HMCN1: variants seen among roughly 807,000 people sequenced by gnomAD.
The protein encoded by HMCN1 is hemicentin-1.
A neutral mutation model predicts 625.9 loss-of-function variants in HMCN1; 321 were observed. The observed-to-expected ratio is 0.51, with a 90% CI of 0.47 to 0.56. HMCN1 has a LOEUF of 0.56. Ranked by LOEUF, HMCN1 falls within the 20% of genes least tolerant of loss-of-function variation. HMCN1 has a pLI of 0.00. For synonymous variants in HMCN1, 2,425 were observed against 2,417.6 expected (o/e 1.00, Z -0.09); for missense variants, 6,588 against 6,887.3 (o/e 0.96, Z 1.54).
At chr1:185,976,933 T>C (rs1232020183) in intron 15 of HMCN1, among the ~76,000 whole-genome samples, 1 of 152,108 alleles carries the variant, frequency 6.6e-6, no homozygotes, top group African/African-American at 2.4e-5. Context: ...GCCTGGTGTC[T>C]CATCACCCAT....
Position 186,012,401 on chromosome 1 carries a change from A to AT in HMCN1, c.4631-2748dup, listed in dbSNP as rs922432767. ...GCTAATCCTTCAGGTTTTTTTTGGT[A>AT]TTTTTTTTTTGTACTTTCATTGGTT... On this transcript the variant is annotated intron_variant, in intron 30 of 106. Transcript: ENST00000271588. 2.8e-3 allele frequency among the ~76,000 whole-genome samples: 415 copies of AT among 147,944 alleles called. 4 individuals are homozygous for AT. The highest frequency in any genetic ancestry group is 9.0e-3 in the African/African-American group (366 of 40,482).
intron 1 of HMCN1, among the ~76,000 whole-genome samples, chr1:185,782,440 C>T (rs1657197291): frequency 6.6e-6 from 1 of 152,086 alleles, no homozygotes; most frequent in Non-Finnish European, 1.5e-5. Context: ...TCTTCCTAGC[C>T]TTGATGGTCT....
chr1:186,100,134 G>A (rs1660319480), intron 68 of HMCN1, among the ~76,000 whole-genome samples: 2 of 152,016 alleles, frequency 1.3e-5, no homozygotes, highest in African/African-American at 2.4e-5. Flanking sequence ...TGAAGAAAAT[G>A]AAGGAGAAAA....
intron 57 of HMCN1, among the ~76,000 whole-genome samples, chr1:186,083,543 A>G (rs754914770): frequency 6.6e-6 from 1 of 151,290 alleles, no homozygotes; most frequent in Non-Finnish European, 1.5e-5. Context: ...ACTGCAAAAG[A>G]GTAGTTTTAT....
chr1:186,016,315 C>G lies in HMCN1; in HGVS notation c.5191+76C>G, dbSNP rs369045058. On this transcript the variant is annotated intron_variant, in intron 32 of 106. Coordinates refer to ENST00000271588, the MANE Select transcript of HMCN1 (RefSeq NM_031935.3). ...TTAGTTTGTTAAATACTTTTTTGTT[C>G]ATGCAATAATAAAACAATCTAAAAG... 3.4e-5 allele frequency: 47 copies of G among 1,372,998 alleles called. No individual in the cohort carries two copies. In the African/African-American group the frequency reaches 6.3e-4, roughly 18 times the overall value. 85.1% of individuals were successfully genotyped at this position (1,372,998 alleles called of 1,614,324 possible).
At chr1:186,168,645 G>A (rs554959610) in intron 100 of HMCN1, among the ~76,000 whole-genome samples, 2 of 152,210 alleles carry the variant, frequency 1.3e-5, no homozygotes, top group South Asian at 2.1e-4. Flanking sequence ...TTGGAATATA[G>A]CAAGACAGAA....
At chr1:186,089,496 A>T (rs1659713600) in intron 63 of HMCN1, among the ~76,000 whole-genome samples, 1 of 152,172 alleles carries the variant, frequency 6.6e-6, no homozygotes, top group African/African-American at 2.4e-5. Flanking sequence ...AGAAGAATTA[A>T]GTTCACAGGT....
At chr1:186,003,530 A>G (rs1055863595) in intron 28 of HMCN1, among the ~76,000 whole-genome samples, 188 bp from the exon 29 acceptor site, 1 of 152,158 alleles carries the variant, frequency 6.6e-6, no homozygotes, top group African/African-American at 2.4e-5. Context: ...TTTTATAAAT[A>G]TGTTTCTACA....
In HMCN1 at chr1:186,137,913, G is replaced by C; in HGVS notation, c.13865G>C (p.Gly4622Ala). 1 of 1,614,060 alleles carries C rather than the reference G, an allele frequency of 6.2e-7. No homozygotes were observed. The highest frequency in any genetic ancestry group is 8.5e-7 in the Non-Finnish European group (1 of 1,179,964). Residue 4622 changes from glycine (G) to alanine (A), a missense_variant, in exon 89 of 107, where the codon GGG becomes GCG. By Grantham distance (60) the Gly-to-Ala change is moderately conservative. This residue lies in a region of HMCN1 where 1,954 missense variants were observed against 2,013.1 expected (regional missense o/e 0.97). Transcript: ENST00000271588. ...AATAATCCATCAGTTCAGCATGGTG[G>C]GCGGCCATGTGAAGGGAATGCTGTG... ...TCNNPSVQHGGRPCEGNAVEI... is the reference protein window; with the variant it reads ...TCNNPSVQHGARPCEGNAVEI...
Position 185,977,881 on chromosome 1 carries a change from A to G in HMCN1, c.2466A>G (p.Pro822=). 6.2e-7 allele frequency: 1 copy of G among 1,613,274 alleles called. No individual in the cohort carries two copies. The highest frequency in any genetic ancestry group is 8.5e-7 in the Non-Finnish European group (1 of 1,179,392). The part of the protein sequence containing the change: ...LPCYVQGYPE[P]TIKWRRLDNM... ...GTTATGTTCAGGGTTATCCAGAACC[A>G]ACAATCAAATGGCGAAGATTAGACA... The change falls in exon 16 of 107, where the codon CCA becomes CCG. Residue 822 remains proline (P), a synonymous_variant. Coordinates refer to ENST00000271588, the MANE Select transcript of HMCN1 (RefSeq NM_031935.3).
At chr1:185,983,219 A>AT (rs1651774118) in intron 18 of HMCN1, among the ~76,000 whole-genome samples, 1 of 151,968 alleles carries the variant, frequency 6.6e-6, no homozygotes. Flanking sequence ...GTTCTATGAA[A>AT]TTTTTTCTGT....
At chr1:185,779,353 A>G (rs1377932161) in intron 1 of HMCN1, among the ~76,000 whole-genome samples, 1 of 152,204 alleles carries the variant, frequency 6.6e-6, no homozygotes, top group Non-Finnish European at 1.5e-5. Flanking sequence ...GAGTTTAATT[A>G]GATCCCATTT....
Position 186,189,748 on chromosome 1 carries a change from C to T in HMCN1, c.16778C>T (p.Thr5593Ile). The T allele has an allele frequency of 6.2e-7, 1 of 1,613,654 alleles. No homozygotes were observed. ...GAAAACCTGAAAGGAGTGGTGTATA[C>T]AACACGACCACTACGAGAAGCAGAG... ...RDENLKGVVYTTRPLREAETY... is the reference protein window; with the variant it reads ...RDENLKGVVYITRPLREAETY... Residue 5593 changes from threonine (T) to isoleucine (I), a missense_variant, in exon 107 of 107, where the codon ACA becomes ATA. Physicochemically the swap from Thr to Ile is moderately conservative, Grantham distance 89. Transcript: ENST00000271588.
chr1:185,997,369 T>G, intron 24 of HMCN1, 60 bp from the exon 25 acceptor site: 1 of 1,031,338 alleles, frequency 9.7e-7, no homozygotes, highest in Non-Finnish European at 1.5e-6. Flanking sequence ...TAATTGTGCC[T>G]TAGGAGAGTT....
intron 4 of HMCN1, among the ~76,000 whole-genome samples, chr1:185,878,678 T>C (rs936799372): frequency 6.6e-6 from 1 of 152,182 alleles, no homozygotes; most frequent in Non-Finnish European, 1.5e-5. Flanking sequence ...TCAACACCAT[T>C]ATCGACTTCA....
chr1:186,162,417 G>A (rs796986440), intron 97 of HMCN1, among the ~76,000 whole-genome samples: 78 of 152,034 alleles, frequency 5.1e-4, no homozygotes, highest in Middle Eastern at 3.2e-3. Context: ...CTCTCAACTC[G>A]TCAAAGTCAT....
chr1:185,787,180 C>G (rs1474860041), intron 1 of HMCN1, among the ~76,000 whole-genome samples: 3 of 120,976 alleles, frequency 2.5e-5, no homozygotes, highest in Non-Finnish European at 3.7e-5. Flanking sequence ...TGTGTGTGTG[C>G]ATGCACGTGT....
intron 1 of HMCN1, among the ~76,000 whole-genome samples, chr1:185,814,947 C>G (rs1000665277): frequency 1.3e-5 from 2 of 150,052 alleles, no homozygotes; most frequent in Non-Finnish European, 2.9e-5. Flanking sequence ...CCACCTCGGC[C>G]TCCCAAAGTG....
intron 1 of HMCN1, among the ~76,000 whole-genome samples, chr1:185,771,060 T>C (rs1656209298): frequency 6.6e-6 from 1 of 152,192 alleles, no homozygotes; most frequent in African/African-American, 2.4e-5. Flanking sequence ...TGTTGTAGCA[T>C]TGTTATTCAA....
Sources: allele counts gnomAD v4.1 joint callset (sites outside exome capture counted in the v4.1 genomes callset), GRCh38; gene constraint gnomAD v4.1.1; regional missense constraint gnomAD v4.1.1; transcripts MANE v1.5; gene names NCBI Gene and HGNC (gene_info 2026-07-23, HGNC 2026-07-21).